Variants in TMEM132D observed in about 807,000 individuals in gnomAD.
TMEM132D encodes transmembrane protein 132D, also known as mature OL transmembrane protein.
In TMEM132D, 21 loss-of-function variants were observed where a neutral mutation model predicts 62.3. That is an observed-to-expected ratio of 0.34 (90% CI 0.24 to 0.49). The LOEUF is 0.49. Among genes scored for constraint, TMEM132D ranks in the 20% least tolerant of loss-of-function variants. The pLI is 0.99. For missense variants in TMEM132D, 1,346 were observed against 1,402.8 expected (o/e 0.96, Z 0.65); for synonymous variants, 621 against 575.6 (o/e 1.08, Z -1.13).
intron 3 of TMEM132D, among the ~76,000 whole-genome samples, chr12:129,378,876 A>C (rs943143897): frequency 6.6e-6 from 1 of 152,206 alleles, no homozygotes; most frequent in Non-Finnish European, 1.5e-5. Context: ...TGTCTTAAGC[A>C]GCTTCAGAGA....
At chr12:129,360,484 G>C (rs1593350842) in intron 3 of TMEM132D, among the ~76,000 whole-genome samples, 1 of 152,178 alleles carries the variant, frequency 6.6e-6, no homozygotes, top group African/African-American at 2.4e-5. Flanking sequence ...TTGAGGAATG[G>C]ATGGGTTCTT....
chr12:129,111,787 G>A (rs1025800381), intron 5 of TMEM132D: 2 of 152,192 alleles, frequency 1.3e-5, no homozygotes, highest in Non-Finnish European at 1.5e-5. Context: ...ATGCTAGACA[G>A]TAATCTTTAC....
intron 3 of TMEM132D, among the ~76,000 whole-genome samples, chr12:129,364,715 C>T (rs982441282): frequency 6.6e-6 from 1 of 152,174 alleles, no homozygotes; most frequent in Non-Finnish European, 1.5e-5. Flanking sequence ...GAAGAAGGTG[C>T]ATTCATTCCA....
At chr12:129,640,057 CAT>C (rs1488572096) in intron 2 of TMEM132D, among the ~76,000 whole-genome samples, 1 of 16,600 alleles carries the variant, frequency 6.0e-5, no homozygotes, top group Non-Finnish European at 2.0e-4. Flanking sequence ...TGCACACACA[CAT>C]ACACACACAC....
chr12:129,332,953 A>T (rs895554578), intron 4 of TMEM132D, among the ~76,000 whole-genome samples: 1 of 152,216 alleles, frequency 6.6e-6, no homozygotes, highest in African/African-American at 2.4e-5. Flanking sequence ...CAACAATGAG[A>T]AAATACTTAA....
intron 1 of TMEM132D, among the ~76,000 whole-genome samples, chr12:129,895,284 A>G (rs1271952305): frequency 6.6e-6 from 1 of 152,210 alleles, no homozygotes; most frequent in Non-Finnish European, 1.5e-5. Context: ...TTTGTTTGTA[A>G]CGTTACTGAA....
chr12:129,715,978 C>T (rs919967646), intron 1 of TMEM132D, among the ~76,000 whole-genome samples: 1 of 152,128 alleles, frequency 6.6e-6, no homozygotes, highest in South Asian at 2.1e-4. Flanking sequence ...ACGAGGCTAG[C>T]GACTGCAGGA....
chr12:129,660,988 T>C (rs773375761), intron 2 of TMEM132D, among the ~76,000 whole-genome samples: 26 of 152,218 alleles, frequency 1.7e-4, no homozygotes, highest in Non-Finnish European at 3.7e-4. Flanking sequence ...CAAAACCTAA[T>C]GTATTTCTCC....
intron 5 of TMEM132D, among the ~76,000 whole-genome samples, chr12:129,145,524 G>T (rs944839812): frequency 6.6e-6 from 1 of 151,932 alleles, no homozygotes; most frequent in African/African-American, 2.4e-5. Flanking sequence ...ATCCGTGATC[G>T]CAACATCACA....
chr12:129,355,424 T>C (rs1414333037), intron 3 of TMEM132D, among the ~76,000 whole-genome samples: 1 of 137,962 alleles, frequency 7.2e-6, no homozygotes, highest in East Asian at 2.4e-4. Context: ...TGGGGTAAGG[T>C]GGAGGGGTGG....
At chr12:129,826,332 C>T (rs527681920) in intron 1 of TMEM132D, among the ~76,000 whole-genome samples, 143 of 152,230 alleles carry the variant, frequency 9.4e-4, no homozygotes, top group African/African-American at 2.6e-3. Flanking sequence ...TGGGTTAAAC[C>T]GCCTAGAGGT....
chr12:129,834,054 T>C (rs1465344525), intron 1 of TMEM132D, among the ~76,000 whole-genome samples: 1 of 152,202 alleles, frequency 6.6e-6, no homozygotes, highest in Non-Finnish European at 1.5e-5. Flanking sequence ...TTCGGATCAC[T>C]GTTCAAGGAC....
chr12:129,402,462 C>T (rs938447747), intron 3 of TMEM132D, among the ~76,000 whole-genome samples: 3 of 152,176 alleles, frequency 2.0e-5, no homozygotes, highest in African/African-American at 7.2e-5. Context: ...TGGGTCACTG[C>T]ACTGTACACG....
chr12:129,546,955 T>G (rs1297596435), intron 2 of TMEM132D, among the ~76,000 whole-genome samples: 1 of 152,226 alleles, frequency 6.6e-6, no homozygotes, highest in Non-Finnish European at 1.5e-5. Flanking sequence ...ATACAGGTTA[T>G]GTTAGTTTTC....
chr12:129,337,432 TAC>T (rs889062618), intron 4 of TMEM132D, among the ~76,000 whole-genome samples, 200 bp downstream of exon 4: 13 of 109,718 alleles, frequency 1.2e-4, no homozygotes, highest in Admixed American at 8.4e-4. Flanking sequence ...TAGATATAGA[TAC>T]ACACACGCAC....
chr12:129,212,154 C>T (rs547208084), intron 4 of TMEM132D: 27 of 152,252 alleles, frequency 1.8e-4, no homozygotes, highest in African/African-American at 5.1e-4. Flanking sequence ...TCCACTCTAA[C>T]GATAAAAATC....
At chr12:129,828,591 T>C (rs1369257614) in intron 1 of TMEM132D, among the ~76,000 whole-genome samples, 1 of 141,126 alleles carries the variant, frequency 7.1e-6, no homozygotes, top group Non-Finnish European at 1.5e-5. Flanking sequence ...GGTTGGCTAC[T>C]CAAAAACATT....
intron 2 of TMEM132D, among the ~76,000 whole-genome samples, chr12:129,687,269 T>G (rs1216816977): frequency 6.6e-6 from 1 of 152,164 alleles, no homozygotes; most frequent in Non-Finnish European, 1.5e-5. Flanking sequence ...TGAGGTCGAA[T>G]GTATGCAGGT....
At chr12:129,548,376 C>G (rs1172532788) in intron 2 of TMEM132D, among the ~76,000 whole-genome samples, 1 of 152,174 alleles carries the variant, frequency 6.6e-6, no homozygotes, top group African/African-American at 2.4e-5. Flanking sequence ...TTCGCCTCCT[C>G]CCTGCCCTTG....
Sources: allele counts gnomAD v4.1 joint callset (sites outside exome capture counted in the v4.1 genomes callset), GRCh38; gene constraint gnomAD v4.1.1; transcripts MANE v1.5; gene names NCBI Gene and HGNC (gene_info 2026-07-23, HGNC 2026-07-21).